SRBD1: variants seen among roughly 807,000 people sequenced by gnomAD.
SRBD1 encodes the protein S1 RNA binding domain 1.
Under a neutral mutation model 115.3 loss-of-function variants are expected in SRBD1, and 88 were observed. The observed-to-expected ratio is 0.76, with a 90% CI of 0.64 to 0.91. SRBD1 has a LOEUF of 0.91. Among genes scored for constraint, SRBD1 ranks in the 40% least tolerant of loss-of-function variants. The probability of loss-of-function intolerance (pLI) is 0.00; values close to 1 mark genes in which losing one functional copy is unlikely to be tolerated. For missense variants in SRBD1, 1,385 were observed against 1,177.4 expected (o/e 1.18, Z -2.58); for synonymous variants, 509 against 407.7 (o/e 1.25, Z -2.99).
intron 4 of SRBD1, among the ~76,000 whole-genome samples, chr2:45,590,434 GCT>G (rs1260511215): frequency 1.3e-5 from 2 of 152,168 alleles, no homozygotes; most frequent in African/African-American, 2.4e-5. Flanking sequence ...ATATGGTTTG[GCT>G]CTGTGTCCCC....
At chr2:45,510,085 C>A (rs186982387) in intron 14 of SRBD1, among the ~76,000 whole-genome samples, 10 of 152,234 alleles carry the variant, frequency 6.6e-5, no homozygotes, top group African/African-American at 1.4e-4. Flanking sequence ...ATTTAAATAT[C>A]CCCCCAAATA....
intron 19 of SRBD1, among the ~76,000 whole-genome samples, chr2:45,409,698 T>C (rs1667542014): frequency 6.6e-6 from 1 of 152,118 alleles, no homozygotes; most frequent in Non-Finnish European, 1.5e-5. Flanking sequence ...AAGGTTATTA[T>C]ACAAAACTCG....
chr2:45,555,697 T>G (rs910660135), intron 10 of SRBD1, among the ~76,000 whole-genome samples: 1 of 152,082 alleles, frequency 6.6e-6, no homozygotes, highest in Non-Finnish European at 1.5e-5. Flanking sequence ...TTTCACTGTA[T>G]TAGCCAGGAT....
intron 16 of SRBD1, among the ~76,000 whole-genome samples, chr2:45,457,731 T>C (rs1188160098): frequency 6.6e-6 from 1 of 152,036 alleles, no homozygotes; most frequent in Non-Finnish European, 1.5e-5. Context: ...GTGAAATCAC[T>C]GATAGTCTAA....
chr2:45,482,729 C>T (rs1341546955), intron 15 of SRBD1, among the ~76,000 whole-genome samples: 1 of 151,776 alleles, frequency 6.6e-6, no homozygotes, highest in Non-Finnish European at 1.5e-5. Flanking sequence ...ATACTATAGA[C>T]TTTTAAAAGT....
At chr2:45,608,636 C>CTAA (rs149451013) in intron 1 of SRBD1, among the ~76,000 whole-genome samples, 8,532 of 152,130 alleles carry the variant, frequency 0.056, 329 homozygotes, top group Non-Finnish European at 0.084. Context: ...GTGCCTTTAA[C>CTAA]ATTCAGATTT....
intron 14 of SRBD1, among the ~76,000 whole-genome samples, chr2:45,504,252 C>A (rs1258647737): frequency 1.3e-5 from 2 of 152,146 alleles, no homozygotes; most frequent in African/African-American, 4.8e-5. Context: ...CCACTTAAAG[C>A]CACTTGAGAA....
intron 4 of SRBD1, among the ~76,000 whole-genome samples, chr2:45,592,789 G>A (rs979254482): frequency 6.6e-6 from 1 of 152,178 alleles, no homozygotes; most frequent in Admixed American, 6.5e-5. Context: ...TTTACAATGT[G>A]TGGTCCCCAA....
At chr2:45,541,558 A>G (rs1274280501) in intron 14 of SRBD1, among the ~76,000 whole-genome samples, 2 of 152,272 alleles carry the variant, frequency 1.3e-5, no homozygotes, top group African/African-American at 2.4e-5. Flanking sequence ...AACAGCTCTC[A>G]GAAGACCCAA....
intron 10 of SRBD1, among the ~76,000 whole-genome samples, chr2:45,555,424 T>C (rs753381224): frequency 4.0e-5 from 6 of 151,870 alleles, no homozygotes; most frequent in African/African-American, 9.7e-5. Context: ...CCAGAATTTT[T>C]TGGAAAAATG....
chr2:45,498,587 T>C (rs1670531529), intron 14 of SRBD1, among the ~76,000 whole-genome samples: 2 of 152,122 alleles, frequency 1.3e-5, no homozygotes, highest in South Asian at 4.1e-4. Context: ...ATATAATAAA[T>C]TACTGTTAAT....
intron 5 of SRBD1, among the ~76,000 whole-genome samples, chr2:45,582,300 A>G (rs923526164): frequency 1.3e-5 from 2 of 152,144 alleles, no homozygotes; most frequent in South Asian, 4.1e-4. Flanking sequence ...TTTCCTCACA[A>G]TTAAATACCG....
At chr2:45,496,706 T>C (rs1036393558) in intron 14 of SRBD1, among the ~76,000 whole-genome samples, 1 of 152,142 alleles carries the variant, frequency 6.6e-6, no homozygotes, top group Admixed American at 6.5e-5. Context: ...CTCCCTTCTC[T>C]TACATTTGTT....
At chr2:45,573,419 A>T (rs1008452782) in intron 8 of SRBD1, 77 bp from the exon 9 acceptor site, 1 of 1,487,752 alleles carries the variant, frequency 6.7e-7, no homozygotes, top group Non-Finnish European at 8.9e-7. Flanking sequence ...AGAAATAAGG[A>T]TAGCAAAAAA....
intron 4 of SRBD1, 105 bp from the exon 5 acceptor site, chr2:45,585,879 AACT>A: frequency 1.1e-6 from 1 of 872,554 alleles, no homozygotes. Context: ...GTGACTTAGA[AACT>A]ACTTGCTATA....
At chr2:45,421,014 C>T (rs552678083) in intron 16 of SRBD1, among the ~76,000 whole-genome samples, 29 of 152,270 alleles carry the variant, frequency 1.9e-4, no homozygotes, top group African/African-American at 6.7e-4. Context: ...AGTGACAAAA[C>T]TCCTTTTCTG....
At chr2:45,538,384 G>C (rs963008907) in intron 14 of SRBD1, among the ~76,000 whole-genome samples, 1 of 152,124 alleles carries the variant, frequency 6.6e-6, no homozygotes, top group Admixed American at 6.6e-5. Flanking sequence ...TAGTGAGTTA[G>C]GGAAAATAAG....
At chr2:45,572,643 G>C (rs1673055096) in intron 9 of SRBD1, among the ~76,000 whole-genome samples, 1 of 151,904 alleles carries the variant, frequency 6.6e-6, no homozygotes, top group Admixed American at 6.6e-5. Flanking sequence ...TAAATGTCAT[G>C]ATATATGTAA....
chr2:45,449,464 C>T (rs1181581098), intron 16 of SRBD1, among the ~76,000 whole-genome samples: 5 of 152,118 alleles, frequency 3.3e-5, no homozygotes, highest in Admixed American at 3.3e-4. Flanking sequence ...TCTGAAATCG[C>T]CATATGACTT....
Sources: allele counts gnomAD v4.1 joint callset (sites outside exome capture counted in the v4.1 genomes callset), GRCh38; gene constraint gnomAD v4.1.1; transcripts MANE v1.5; gene names NCBI Gene and HGNC (gene_info 2026-07-23, HGNC 2026-07-21).